STAG2: variants seen among roughly 807,000 people sequenced by gnomAD.
STAG2 encodes the protein cohesin subunit SA-2.
A neutral mutation model predicts 108.1 loss-of-function variants in STAG2; 14 were observed. The ratio of observed to expected loss-of-function variants is 0.13; its 90% CI spans 0.09 to 0.20. The LOEUF (loss-of-function observed/expected upper bound fraction) is 0.20. Ranked by LOEUF, STAG2 falls within the 10% of genes least tolerant of loss-of-function variation. STAG2 has a pLI of 1.00. For synonymous variants in STAG2, 307 were observed against 302.7 expected (o/e 1.01, Z -0.15); for missense variants, 440 against 940.9 (o/e 0.47, Z 6.96).
At chrX:124,034,811 GT>G (rs981166145) in intron 5 of STAG2, among the ~76,000 whole-genome samples, 32 of 110,872 alleles carry the variant, frequency 2.9e-4, no homozygotes, top group African/African-American at 1.0e-3. Context: ...CAAAGATCAT[GT>G]GTTATTCATT....
Position 124,068,224 on chromosome X carries a change from C to T in STAG2, c.2266-340C>T, listed in dbSNP as rs148230530. On this transcript the variant is annotated intron_variant, in intron 23 of 34. Coordinates refer to ENST00000371145, the MANE Select transcript of STAG2 (RefSeq NM_001042750.2). ...TTGACCACCCTTGAAATAATGTGAG[C>T]ATGGAGCGTAAATCTTTATTAGCAT... Among the ~76,000 whole-genome samples the T allele has an allele frequency of 1.9e-3, 210 of 111,249 alleles. 2 individuals are homozygous for T. Among genetic ancestry groups the T allele is most frequent in the East Asian group, 0.018 (63 of 3,564 alleles).
chrX:124,004,176 G>T (rs1018966048), intron 1 of STAG2, among the ~76,000 whole-genome samples: 1 of 111,713 alleles, frequency 9.0e-6, no homozygotes, highest in African/African-American at 3.3e-5. Flanking sequence ...GCAAGGTGCA[G>T]CCCTGGGCAG....
chrX:123,967,958 T>G (rs1004931827), intron 1 of STAG2, among the ~76,000 whole-genome samples: 1 of 108,942 alleles, frequency 9.2e-6, no homozygotes, highest in African/African-American at 3.4e-5. Flanking sequence ...TGGGGTGCAG[T>G]GGCGAGATCT....
At chrX:124,097,515 G>A (rs2059413846) in intron 34 of STAG2, among the ~76,000 whole-genome samples, 1 of 111,836 alleles carries the variant, frequency 8.9e-6, no homozygotes, top group African/African-American at 3.2e-5. Flanking sequence ...TATTACATCA[G>A]AAGTTGGTGC....
chrX:124,002,146 A>G (rs1172772917), intron 1 of STAG2, among the ~76,000 whole-genome samples: 1 of 111,592 alleles, frequency 9.0e-6, no homozygotes, highest in Non-Finnish European at 1.9e-5. Context: ...GAGCCCAGGA[A>G]TTTGAGGTTG....
chrX:124,077,425 G>A (rs1181490609), intron 26 of STAG2, among the ~76,000 whole-genome samples: 3 of 111,207 alleles, frequency 2.7e-5, no homozygotes, highest in Non-Finnish European at 3.8e-5. Flanking sequence ...AAAATTTCAT[G>A]TGCAATGTGT....
chrX:124,053,963 C>T (rs977883366), intron 13 of STAG2, among the ~76,000 whole-genome samples: 2 of 112,033 alleles, frequency 1.8e-5, no homozygotes, highest in Non-Finnish European at 3.8e-5. Flanking sequence ...AGATGTTGGG[C>T]CACACTTACA....
chrX:124,054,569 C>A (rs1383262310), intron 13 of STAG2, among the ~76,000 whole-genome samples: 1 of 111,418 alleles, frequency 9.0e-6, no homozygotes, highest in Non-Finnish European at 1.9e-5. Flanking sequence ...AGCTTCTTTC[C>A]CACCATCCTC....
At chrX:123,964,708 G>T (rs1210544039) in intron 1 of STAG2, among the ~76,000 whole-genome samples, 1 of 94,581 alleles carries the variant, frequency 1.1e-5, no homozygotes, top group Non-Finnish European at 2.1e-5. Flanking sequence ...TGGCAGAGAG[G>T]GTGGAGTGGG....
At chrX:124,065,748 G>A in intron 20 of STAG2, 128 bp from the exon 21 acceptor site, 1 of 406,417 alleles carries the variant, frequency 2.5e-6, no homozygotes, top group Non-Finnish European at 3.9e-6. Flanking sequence ...CCAGATCTAG[G>A]TATTGAATGA....
At chrX:124,052,217 A>G (rs1355232906) in intron 13 of STAG2, among the ~76,000 whole-genome samples, 4 of 111,931 alleles carry the variant, frequency 3.6e-5, no homozygotes, top group Non-Finnish European at 7.5e-5. Context: ...ATTTTAAAGT[A>G]TGGTTTACTG....
chrX:124,099,737 C>T (rs2059466528), intron 34 of STAG2, among the ~76,000 whole-genome samples: 1 of 111,465 alleles, frequency 9.0e-6, no homozygotes, highest in South Asian at 3.7e-4. Flanking sequence ...TTACATCTGG[C>T]TTTGATATCA....
At chrX:124,024,682 A>T (rs1183421260) in intron 3 of STAG2, among the ~76,000 whole-genome samples, 1 of 111,702 alleles carries the variant, frequency 9.0e-6, no homozygotes, top group Non-Finnish European at 1.9e-5. Flanking sequence ...CTTACCTCAC[A>T]GCCTCTGCTA....
intron 1 of STAG2, among the ~76,000 whole-genome samples, chrX:123,970,668 G>C (rs1286658759): frequency 4.5e-5 from 5 of 111,667 alleles, no homozygotes; most frequent in African/African-American, 6.5e-5. Flanking sequence ...AATTTAATGT[G>C]GGACATTAAA....
intron 5 of STAG2, among the ~76,000 whole-genome samples, chrX:124,035,356 A>G (rs1483302047): frequency 8.9e-6 from 1 of 111,855 alleles, no homozygotes. Context: ...TGTAAACTCT[A>G]CTTGATCTTA....
At chrX:124,032,476 T>G (rs2057376905) in intron 5 of STAG2, among the ~76,000 whole-genome samples, 1 of 111,342 alleles carries the variant, frequency 9.0e-6, no homozygotes, top group Non-Finnish European at 1.9e-5. Context: ...GGCAATAGTT[T>G]TTTTTTTTAA....
intron 27 of STAG2, among the ~76,000 whole-genome samples, chrX:124,079,634 AAAAT>A (rs1419411785): frequency 1.8e-5 from 2 of 112,078 alleles, no homozygotes; most frequent in Non-Finnish European, 3.8e-5. Context: ...TGAAGAAAGA[AAAAT>A]AAATAAAATT....
chrX:124,030,572 T>C (rs1009694906), intron 4 of STAG2, among the ~76,000 whole-genome samples: 2 of 112,056 alleles, frequency 1.8e-5, no homozygotes, highest in Non-Finnish European at 3.8e-5. Flanking sequence ...CTAAGTACTT[T>C]GTGTTTTCAT....
chrX:123,993,350 A>C (rs1208910310), intron 1 of STAG2, among the ~76,000 whole-genome samples: 1 of 111,758 alleles, frequency 8.9e-6, no homozygotes, highest in Non-Finnish European at 1.9e-5. Flanking sequence ...TGGTGAGTTG[A>C]AATCTATATG....
Sources: gnomAD v4.1 joint callset for allele counts (sites outside exome capture counted in the v4.1 genomes callset) on GRCh38, gnomAD v4.1.1 for gene constraint, MANE v1.5 for transcripts, NCBI Gene and HGNC (gene_info 2026-07-23, HGNC 2026-07-21) for gene names.